ERICH6B: variants seen among roughly 807,000 people sequenced by gnomAD.
The protein encoded by ERICH6B is glutamate rich 6B, also known as glutamate-rich protein 6B.
A neutral mutation model predicts 80.0 loss-of-function variants in ERICH6B; 69 were observed. The ratio of observed to expected loss-of-function variants is 0.86; its 90% CI spans 0.71 to 1.05. The LOEUF (loss-of-function observed/expected upper bound fraction) is 1.05. Among genes scored for constraint, ERICH6B ranks in the 50% least tolerant of loss-of-function variants. ERICH6B has a pLI of 0.00. For missense variants in ERICH6B, 754 were observed against 796.1 expected, an observed-to-expected ratio of 0.95 and a Z score of 0.64; for synonymous variants, 283 against 291.9, an observed-to-expected ratio of 0.97 and a Z score of 0.31.
At chr13:45,610,582 C>T (rs1593330748) in intron 1 of ERICH6B, among the ~76,000 whole-genome samples, 1 of 152,318 alleles carries the variant, frequency 6.6e-6, no homozygotes, top group Non-Finnish European at 1.5e-5. Flanking sequence ...ACAATGTGAA[C>T]ATCACAGCGT....
chr13:45,549,806 G>T (rs916050912), intron 13 of ERICH6B, 87 bp downstream of exon 13: 3 of 1,391,988 alleles, frequency 2.2e-6, no homozygotes, highest in Non-Finnish European at 2.9e-6. Context: ...CTGAGACAGG[G>T]AGGAAGTTCA....
At chr13:45,590,138 C>T (rs568126629) in intron 4 of ERICH6B, among the ~76,000 whole-genome samples, 8 of 151,566 alleles carry the variant, frequency 5.3e-5, no homozygotes, top group Non-Finnish European at 8.8e-5. Context: ...CAGCTGGGCA[C>T]GTAGCAGGCC....
At chr13:45,583,070 G>A (rs1250976851) in intron 5 of ERICH6B, among the ~76,000 whole-genome samples, 1 of 152,196 alleles carries the variant, frequency 6.6e-6, no homozygotes, top group Non-Finnish European at 1.5e-5. Flanking sequence ...CAGATGAGGA[G>A]ACAGCAGTTA....
chr13:45,551,258 T>A (rs999152330), intron 11 of ERICH6B, among the ~76,000 whole-genome samples: 7 of 152,258 alleles, frequency 4.6e-5, no homozygotes, highest in Admixed American at 4.6e-4. Context: ...TTGGTTTGTT[T>A]ATTCCATTAT....
rs535916281 is a variant in ERICH6B at position 45,574,809 on chromosome 13, G to T, written c.1050+33C>A. 1.1e-3 allele frequency: 260 copies of T among 244,132 alleles called. 3 individuals are homozygous for T. The highest frequency in any genetic ancestry group is 8.5e-3 in the African/African-American group (180 of 21,160). The allele number at this position is 244,132 out of a possible 1,614,324, so 15.1% of individuals were successfully genotyped here. ...GGCCACCCTACATTTGGAGGAAGCT[G>T]GGGGGGGGGTCTCAAGTTTTTATCC... On this transcript the variant is annotated intron_variant, in intron 8 of 14. Transcript: ENST00000298738.
At chr13:45,560,212 G>A (rs1035824187) in intron 11 of ERICH6B, among the ~76,000 whole-genome samples, 1 of 152,112 alleles carries the variant, frequency 6.6e-6, no homozygotes, top group Admixed American at 6.5e-5. Context: ...CGCTTTTGGT[G>A]TTCATTTGCA....
chr13:45,595,864 C>G (rs1876347374), intron 3 of ERICH6B, among the ~76,000 whole-genome samples: 1 of 152,028 alleles, frequency 6.6e-6, no homozygotes, highest in African/African-American at 2.4e-5. Flanking sequence ...AGGCTGGTCT[C>G]AAACTTCTGG....
chr13:45,550,177 C>T, intron 12 of ERICH6B, 54 bp downstream of exon 12: 2 of 1,538,748 alleles, frequency 1.3e-6, no homozygotes, highest in Admixed American at 2.0e-5. Context: ...AAATCGTAGA[C>T]ATTTTAGGTG....
rs58856558 is a variant in ERICH6B at position 45,606,505 on chromosome 13, GTATATA to G, written c.-59+1053_-59+1058del. ...TGGCTGAGATCCCAAAAGTGTATGTGTATATATATATATATATATATATATATATAT... is the reference window on the plus strand; with the variant it reads ...TGGCTGAGATCCCAAAAGTGTATGTGTATATATATATATATATATATATAT... On this transcript the variant is annotated intron_variant, in intron 2 of 14. Coordinates refer to ENST00000298738, the MANE Select transcript of ERICH6B (RefSeq NM_182542.3). 2.1e-4 allele frequency among the ~76,000 whole-genome samples: 6 copies of G among 28,690 alleles called. 1 individual carries two copies. The East Asian group carries it at 7.6e-3, about 37-fold the overall frequency. The allele number at this position is 28,690 out of a possible 152,430, so 18.8% of individuals were successfully genotyped here.
chr13:45,577,127 C>T, intron 7 of ERICH6B, among the ~76,000 whole-genome samples: 1 of 151,978 alleles, frequency 6.6e-6, no homozygotes. Context: ...TTGCATGTCC[C>T]CCTTGCACCC....
intron 2 of ERICH6B, among the ~76,000 whole-genome samples, chr13:45,603,494 A>G (rs946866982): frequency 6.6e-6 from 1 of 151,076 alleles, no homozygotes; most frequent in Non-Finnish European, 1.5e-5. Context: ...TGTCCTCCCG[A>G]CTCTTCTCCC....
chr13:45,578,573 A>G (rs1196442747), intron 7 of ERICH6B, among the ~76,000 whole-genome samples: 1 of 152,232 alleles, frequency 6.6e-6, no homozygotes, highest in South Asian at 2.1e-4. Flanking sequence ...CCACTGATTG[A>G]CAAGCACACA....
chr13:45,588,626 C>G (rs1876026362), intron 4 of ERICH6B, among the ~76,000 whole-genome samples: 1 of 152,250 alleles, frequency 6.6e-6, no homozygotes, highest in Non-Finnish European at 1.5e-5. Context: ...CATGAAAGGA[C>G]TTAGAAAAGT....
chr13:45,590,744 T>C (rs1876123761), intron 3 of ERICH6B, 47 bp from the exon 4 acceptor site: 1 of 1,496,068 alleles, frequency 6.7e-7, no homozygotes, highest in Non-Finnish European at 9.1e-7. Context: ...AAAAGCATCT[T>C]TCTTTCTATT....
intron 2 of ERICH6B, among the ~76,000 whole-genome samples, chr13:45,605,309 G>A (rs1188208111): frequency 2.0e-5 from 3 of 152,216 alleles, no homozygotes; most frequent in Non-Finnish European, 2.9e-5. Flanking sequence ...AATTTGCGAC[G>A]TCTGCTTTTT....
intron 10 of ERICH6B, among the ~76,000 whole-genome samples, chr13:45,562,002 G>A (rs185199737): frequency 6.6e-6 from 1 of 152,348 alleles, no homozygotes; most frequent in Non-Finnish European, 1.5e-5. Flanking sequence ...TAAAAGGTAA[G>A]ACAATGTACA....
At chr13:45,600,419 T>C (rs1449573955) in intron 2 of ERICH6B, among the ~76,000 whole-genome samples, 1 of 152,096 alleles carries the variant, frequency 6.6e-6, no homozygotes, top group Non-Finnish European at 1.5e-5. Context: ...CATTCATAGA[T>C]TGTGTAGTAA....
chr13:45,554,942 A>T (rs1359780161), intron 11 of ERICH6B, among the ~76,000 whole-genome samples: 2 of 152,200 alleles, frequency 1.3e-5, no homozygotes, highest in Non-Finnish European at 2.9e-5. Flanking sequence ...ACAAAACTAA[A>T]TGTGCCACTC....
chr13:45,604,413 A>G (rs1457937587), intron 2 of ERICH6B, among the ~76,000 whole-genome samples: 1 of 152,204 alleles, frequency 6.6e-6, no homozygotes, highest in Non-Finnish European at 1.5e-5. Flanking sequence ...GCCCATCTCC[A>G]TCCATCCGTC....
Sources: allele counts gnomAD v4.1 joint callset (sites outside exome capture counted in the v4.1 genomes callset), GRCh38; gene constraint gnomAD v4.1.1; transcripts MANE v1.5; gene names NCBI Gene and HGNC (gene_info 2026-07-23, HGNC 2026-07-21).